Variants in IP6K3 observed in about 807,000 individuals in gnomAD.
IP6K3 encodes the protein ATP:1D-myo-inositol-hexakisphosphate phosphotransferase.
A neutral mutation model predicts 28.8 loss-of-function variants in IP6K3; 20 were observed. That is an observed-to-expected ratio of 0.70 (90% CI 0.49 to 1.01). IP6K3 has a LOEUF of 1.01. Among genes scored for constraint, IP6K3 ranks in the 50% least tolerant of loss-of-function variants. The probability of loss-of-function intolerance (pLI) is 0.00; values close to 1 mark genes in which losing one functional copy is unlikely to be tolerated. For missense variants in IP6K3, 480 were observed against 537.1 expected, an observed-to-expected ratio of 0.89 and a Z score of 1.05; for synonymous variants, 213 against 221.3, an observed-to-expected ratio of 0.96 and a Z score of 0.33.
chr6:33,750,082 T>C (rs186789109), upstream of IP6K3, among the ~76,000 whole-genome samples: 456 of 152,292 alleles, frequency 3.0e-3, 3 homozygotes, highest in African/African-American at 0.01. The surrounding 1 kb of genome is among the most constrained non-coding windows in gnomAD (Gnocchi z 4.3). Flanking sequence ...CACTGCTGCC[T>C]TCCCTGGCTG....
chr6:33,726,640 TTG>T, intron 4 of IP6K3, 89 bp downstream of exon 4: 2 of 1,300,048 alleles, frequency 1.5e-6, no homozygotes, highest in Non-Finnish European at 2.1e-6. Context: ...GGCCCCGTGT[TTG>T]TGTGTGTTTC....
chr6:33,723,119 C>T lies in IP6K3; in HGVS notation c.834G>A (p.Glu278=). 5 of 1,614,026 alleles carry T rather than the reference C, an allele frequency of 3.1e-6. No individual in the cohort carries two copies. Among genetic ancestry groups the T allele is most frequent in the South Asian group, 2.2e-5 (2 of 91,050 alleles). Residue 278 remains glutamate (E), a synonymous_variant, in exon 6 of 6, where the codon GAG becomes GAA. Transcript: ENST00000293756. ...ACTGATAGAGGGCTTGTCTGAACCC[C>T]TCCACTGAGAGTTTTCTTCCATAGT... is the stretch of plus-strand genomic sequence containing the variant. ...DKYYGRKLSV[E]GFRQALYQFL... is the part of the protein sequence containing the mutation.
At chr6:33,755,024 G>A in the IP6K3 span, among the ~76,000 whole-genome samples, 1 of 152,204 alleles carries the variant, frequency 6.6e-6, no homozygotes, top group East Asian at 1.9e-4. Context: ...AGATTCTGGG[G>A]AATCCCCTGG....
chr6:33,755,651 C>T, the IP6K3 span, among the ~76,000 whole-genome samples: 1 of 152,242 alleles, frequency 6.6e-6, no homozygotes, highest in South Asian at 2.1e-4. Context: ...CTGCCAAGCC[C>T]GATGTACAGG....
At chr6:33,733,701 C>A (rs996495229) in intron 2 of IP6K3, among the ~76,000 whole-genome samples, 1 of 152,250 alleles carries the variant, frequency 6.6e-6, no homozygotes, top group Non-Finnish European at 1.5e-5. Flanking sequence ...CCGGGAAGAC[C>A]CCAGGGAGAG....
Position 33,726,835 on chromosome 6 carries a change from T to C in IP6K3, c.485A>G (p.Asn162Ser), listed in dbSNP as rs1289980351. The C allele has an allele frequency of 5.0e-6, 8 of 1,613,350 alleles. No homozygotes were observed. The Admixed American group carries it at 8.3e-5, about 17-fold the overall frequency. ...GCTCTTCCTCTCAACCTGGTTTCCG[T>C]TGGTGTCTTCCACCAGCGAGAAGGC... The part of the protein sequence containing the change: ...TPAFSLVEDT[N>S]GNQVERKSFN... Residue 162 changes from asparagine (N) to serine (S), a missense_variant, in exon 4 of 6, where the codon AAC becomes AGC. Asn to Ser is a conservative substitution (Grantham distance 46). Transcript: ENST00000293756.
Position 33,728,258 on chromosome 6 carries a change from AGAT to A in IP6K3, c.239_241del (p.His80del). 1 of 1,614,026 alleles carries A rather than the reference AGAT, an allele frequency of 6.2e-7. No individual in the cohort carries two copies. Among genetic ancestry groups the A allele is most frequent in the South Asian group, 1.1e-5 (1 of 91,082 alleles). On this transcript the variant is annotated inframe_deletion, in exon 3 of 6. Coordinates refer to ENST00000293756, the MANE Select transcript of IP6K3 (RefSeq NM_054111.5). Reference sequence around the variant, plus strand: ...CTTCACTGGGTTGGCAACCAAGCTGAGATGGCCTGTGCTGTCTTTCCAGAGGTG... The same window carrying A: ...CTTCACTGGGTTGGCAACCAAGCTGAGGCCTGTGCTGTCTTTCCAGAGGTG...
chr6:33,739,171 G>A (rs1766634288), intron 1 of IP6K3: 2 of 152,226 alleles, frequency 1.3e-5, no homozygotes, highest in Admixed American at 6.5e-5. Context: ...AAGACCCCTG[G>A]GCCTTCAGTG....
At chr6:33,725,655 G>C in intron 4 of IP6K3, 39 bp from the exon 5 acceptor site, 2 of 1,576,266 alleles carry the variant, frequency 1.3e-6, no homozygotes, top group African/African-American at 2.7e-5. Context: ...GAGGACTTCA[G>C]AACTGCTGCT....
chr6:33,728,815 A>G (rs1582205231), intron 2 of IP6K3, among the ~76,000 whole-genome samples: 1 of 151,924 alleles, frequency 6.6e-6, no homozygotes, highest in Admixed American at 6.6e-5. Flanking sequence ...TCTTTATCGG[A>G]CCTGCTTCTT....
chr6:33,736,246 A>T (rs1475252451), intron 1 of IP6K3, among the ~76,000 whole-genome samples: 1 of 152,228 alleles, frequency 6.6e-6, no homozygotes, highest in Non-Finnish European at 1.5e-5. Flanking sequence ...CTAAGCTTCT[A>T]GAGTGCAGAG....
In IP6K3 at chr6:33,739,266, GA is replaced by G. The variant is rs552967160; in HGVS notation, c.-179-3612del. On this transcript the variant is annotated intron_variant, in intron 1 of 5. Coordinates refer to ENST00000293756, the MANE Select transcript of IP6K3 (RefSeq NM_054111.5). The stretch of plus-strand genomic sequence containing the variant: ...ATTGTCTACCAGGTAGCCAGCCTGT[GA>G]AAAAAAAAAGAAAACCTGGACTTGG... The G allele has an allele frequency of 1.1e-3, 168 of 148,482 alleles. 1 individual carries two copies. Among genetic ancestry groups the G allele is most frequent in the East Asian group, 2.9e-3 (15 of 5,090 alleles). The allele number at this position is 148,482 out of a possible 1,614,324, so 9.2% of individuals were successfully genotyped here.
chr6:33,731,577 C>T (rs1446912414), intron 2 of IP6K3, among the ~76,000 whole-genome samples: 3 of 152,236 alleles, frequency 2.0e-5, no homozygotes, highest in African/African-American at 7.2e-5. Context: ...GTGCCTCTGA[C>T]GGGCTGTGTC....
intron 4 of IP6K3, among the ~76,000 whole-genome samples, chr6:33,726,053 A>C (rs542784646): frequency 1.3e-5 from 2 of 152,186 alleles, no homozygotes; most frequent in Non-Finnish European, 2.9e-5. Flanking sequence ...ATTTCAGTGG[A>C]GTAATTATCC....
In IP6K3 at chr6:33,744,825, C is replaced by T. The variant is rs1766848627; in HGVS notation, c.-180+1933G>A. ...TTCTCCCCATAACGTTCTATAACAT[C>T]TCTTGCCCTCCCCTCCCACTGCTTA... is the stretch of plus-strand genomic sequence containing the variant. On this transcript the variant is annotated intron_variant, in intron 1 of 5. Transcript: ENST00000293756. This position sits in a 1 kb window ranked among gnomAD's most constrained non-coding sequence, Gnocchi z 4.4. Among the ~76,000 whole-genome samples the T allele has an allele frequency of 6.6e-6, 1 of 152,252 alleles. No homozygotes were observed. The highest frequency in any genetic ancestry group is 2.4e-5 in the African/African-American group (1 of 41,472).
At chr6:33,727,997 A>G in intron 3 of IP6K3, 90 bp downstream of exon 3, 1 of 1,534,480 alleles carries the variant, frequency 6.5e-7, no homozygotes. Context: ...ACCAGCCTTA[A>G]TAGGGAGTGG....
chr6:33,759,715 A>T, the IP6K3 span, among the ~76,000 whole-genome samples: 2 of 151,998 alleles, frequency 1.3e-5, no homozygotes, highest in African/African-American at 2.4e-5. Context: ...TAACAACAAC[A>T]ACAAAAAACT....
At chr6:33,741,612 C>G (rs1435243004) in intron 1 of IP6K3, among the ~76,000 whole-genome samples, 1 of 135,598 alleles carries the variant, frequency 7.4e-6, no homozygotes, top group Non-Finnish European at 1.5e-5. Context: ...TGTCATTGCA[C>G]TCCAGCTTGG....
At position 33,744,522 on chromosome 6, in the gene IP6K3, G is replaced by A. The variant is rs1766837901; in HGVS notation, c.-180+2236C>T. ...AGTGTGTGTGAATGCTTGTGCGTGTGTGGGAGTGTGTGGCTGAGGGAGAAT... is the reference window on the plus strand; with the variant it reads ...AGTGTGTGTGAATGCTTGTGCGTGTATGGGAGTGTGTGGCTGAGGGAGAAT... On this transcript the variant is annotated intron_variant, in intron 1 of 5. Coordinates refer to ENST00000293756, the MANE Select transcript of IP6K3 (RefSeq NM_054111.5). The surrounding 1 kb of genome is among the most constrained non-coding windows in gnomAD (Gnocchi z 4.4). Among the ~76,000 whole-genome samples the A allele has an allele frequency of 6.6e-6, 1 of 152,184 alleles. No homozygotes were observed.
Sources: allele counts gnomAD v4.1 joint callset (sites outside exome capture counted in the v4.1 genomes callset), GRCh38; gene constraint gnomAD v4.1.1; non-coding constraint Gnocchi (gnomAD v3.1); transcripts MANE v1.5; gene names NCBI Gene and HGNC (gene_info 2026-07-23, HGNC 2026-07-21).